GMDS: variants seen among roughly 807,000 people sequenced by gnomAD.
GMDS encodes GDP-mannose 4,6-dehydratase.
A neutral mutation model predicts 49.9 loss-of-function variants in GMDS; 20 were observed. The ratio of observed to expected loss-of-function variants is 0.40; its 90% CI spans 0.28 to 0.58. The LOEUF (loss-of-function observed/expected upper bound fraction) is 0.58, where lower values mean the gene tolerates loss of function less well. Ranked by LOEUF, GMDS falls within the 20% of genes least tolerant of loss-of-function variation. The pLI, the probability that GMDS is intolerant of heterozygous loss-of-function variation, is 0.42. For synonymous variants in GMDS, 177 were observed against 178.6 expected, an observed-to-expected ratio of 0.99 and a Z score of 0.07; for missense variants, 362 against 481.4, an observed-to-expected ratio of 0.75 and a Z score of 2.32.
intron 6 of GMDS, 37 bp from the exon 7 acceptor site, chr6:1,930,267 C>G: frequency 6.3e-7 from 1 of 1,588,552 alleles, no homozygotes; most frequent in Non-Finnish European, 8.6e-7. Context: ...CAGTCAAGTG[C>G]ACTTGACACA....
At chr6:2,155,001 CT>C (rs970249700) in intron 1 of GMDS, among the ~76,000 whole-genome samples, 3 of 151,752 alleles carry the variant, frequency 2.0e-5, no homozygotes, top group African/African-American at 7.3e-5. Context: ...AATATTCAAC[CT>C]TTAAAGAGGC....
In GMDS at chr6:1,878,482, T is replaced by C. The variant is rs1759207668; in HGVS notation, c.771+51621A>G. Among the ~76,000 whole-genome samples, 2 of 152,174 alleles carry C rather than the reference T, an allele frequency of 1.3e-5. 1 individual carries two copies. Among genetic ancestry groups the C allele is most frequent in the Middle Eastern group, 6.3e-3 (2 of 316 alleles). On this transcript the variant is annotated intron_variant, in intron 7 of 10. Coordinates refer to ENST00000380815, the MANE Select transcript of GMDS (RefSeq NM_001500.4). The stretch of plus-strand genomic sequence containing the variant: ...AAAGGGGGATTCTTGGCTCTACGGA[T>C]GTGCCCAAAGTGTACAGACACAGAC...
At chr6:2,168,634 G>A (rs746015483) in intron 1 of GMDS, among the ~76,000 whole-genome samples, 29 of 152,128 alleles carry the variant, frequency 1.9e-4, no homozygotes, top group South Asian at 4.1e-4. Flanking sequence ...TTTCTTTGCT[G>A]TACTTTCTGA....
intron 7 of GMDS, among the ~76,000 whole-genome samples, chr6:1,800,784 G>T (rs1037069373): frequency 1.3e-5 from 2 of 152,106 alleles, no homozygotes; most frequent in African/African-American, 4.8e-5. Context: ...CAGCTCCTTA[G>T]CCCTGGGTGA....
intron 7 of GMDS, among the ~76,000 whole-genome samples, chr6:1,921,534 G>C (rs1247478452): frequency 1.3e-5 from 2 of 152,114 alleles, no homozygotes; most frequent in African/African-American, 2.4e-5. Flanking sequence ...TACTGCACAG[G>C]ATGAAGAAGA....
chr6:1,626,203 C>CG (rs1215949326), intron 9 of GMDS: 3 of 152,224 alleles, frequency 2.0e-5, no homozygotes, highest in Non-Finnish European at 2.9e-5. Context: ...TGCAGCAGTA[C>CG]ACGCAGCGAC....
intron 4 of GMDS, among the ~76,000 whole-genome samples, chr6:1,975,512 A>G (rs911890137): frequency 6.6e-6 from 1 of 152,230 alleles, no homozygotes; most frequent in South Asian, 2.1e-4. Flanking sequence ...AAGCTGAAAA[A>G]GCAAAATATA....
chr6:2,216,491 G>A (rs1188546825), intron 1 of GMDS, among the ~76,000 whole-genome samples: 1 of 152,224 alleles, frequency 6.6e-6, no homozygotes, highest in African/African-American at 2.4e-5. Context: ...GTGTGCAGGT[G>A]TAAGCGTGTG....
intron 7 of GMDS, among the ~76,000 whole-genome samples, chr6:1,750,490 T>C (rs1170673459): frequency 1.3e-5 from 2 of 152,070 alleles, no homozygotes; most frequent in Non-Finnish European, 2.9e-5. Flanking sequence ...GTTGGGGAAC[T>C]CCATCCCCTA....
chr6:2,169,419 C>G (rs1405054847), intron 1 of GMDS, among the ~76,000 whole-genome samples: 1 of 151,826 alleles, frequency 6.6e-6, no homozygotes, highest in Non-Finnish European at 1.5e-5. Flanking sequence ...CCAGCTTGGC[C>G]AACATGGTAA....
intron 9 of GMDS, among the ~76,000 whole-genome samples, chr6:1,649,009 C>A (rs1029728927): frequency 1.1e-4 from 17 of 152,224 alleles, no homozygotes; most frequent in Admixed American, 1.0e-3. Context: ...TTCACATTTA[C>A]ACACATATAA....
chr6:2,137,551 C>T (rs1240125437), intron 1 of GMDS, among the ~76,000 whole-genome samples: 1 of 152,150 alleles, frequency 6.6e-6, no homozygotes, highest in East Asian at 1.9e-4. Context: ...TCAGGCTGGT[C>T]TCAAACTCCC....
intron 9 of GMDS, among the ~76,000 whole-genome samples, chr6:1,651,640 G>A (rs1763655264): frequency 6.6e-6 from 1 of 152,174 alleles, no homozygotes. Flanking sequence ...GGAGAAAACA[G>A]ATTCAGATGT....
chr6:2,148,354 T>C (rs1298959534), intron 1 of GMDS, among the ~76,000 whole-genome samples: 5 of 152,214 alleles, frequency 3.3e-5, no homozygotes, highest in African/African-American at 1.2e-4. Flanking sequence ...AGTATAAATA[T>C]GAGACTTACA....
At position 1,725,520 on chromosome 6, in the gene GMDS, G is replaced by A. The variant is rs146983458; in HGVS notation, c.987+896C>T. Among the ~76,000 whole-genome samples, 937 of 151,862 alleles carry A rather than the reference G, an allele frequency of 6.2e-3. 11 individuals carry two copies. The highest frequency in any genetic ancestry group is 0.022 in the African/African-American group (891 of 41,378). On this transcript the variant is annotated intron_variant, in intron 9 of 10. Coordinates refer to ENST00000380815, the MANE Select transcript of GMDS (RefSeq NM_001500.4). The stretch of plus-strand genomic sequence containing the variant: ...GCGATCTCGGCTCACTGCAACCTCC[G>A]CCTCCTGGGTTCAAGCGATTCTCCT...
intron 4 of GMDS, among the ~76,000 whole-genome samples, chr6:2,039,846 A>C (rs1437993367): frequency 6.6e-6 from 1 of 152,238 alleles, no homozygotes; most frequent in African/African-American, 2.4e-5. Context: ...AATAATGATG[A>C]AAAAGTATAA....
At chr6:2,014,071 A>T (rs1767743126) in intron 4 of GMDS, among the ~76,000 whole-genome samples, 1 of 150,714 alleles carries the variant, frequency 6.6e-6, no homozygotes, top group Non-Finnish European at 1.5e-5. Context: ...GTATTAAAAG[A>T]AAAACACCCA....
chr6:1,716,550 A>C (rs1382835798), intron 9 of GMDS, among the ~76,000 whole-genome samples: 1 of 152,222 alleles, frequency 6.6e-6, no homozygotes, highest in Non-Finnish European at 1.5e-5. Flanking sequence ...CTGCACAGAC[A>C]GGCTTGGAGG....
At chr6:2,146,407 TTAAC>T (rs1267308922) in intron 1 of GMDS, among the ~76,000 whole-genome samples, 1 of 152,076 alleles carries the variant, frequency 6.6e-6, no homozygotes, top group African/African-American at 2.4e-5. Flanking sequence ...GACAGTCGAG[TTAAC>T]TGAAGAATGG....
Sources: allele counts gnomAD v4.1 joint callset (sites outside exome capture counted in the v4.1 genomes callset), GRCh38; gene constraint gnomAD v4.1.1; transcripts MANE v1.5; gene names NCBI Gene and HGNC (gene_info 2026-07-23, HGNC 2026-07-21).